Variants in ECM2 observed in about 807,000 individuals in gnomAD.
ECM2 encodes extracellular matrix protein 2, also known as extracellular matrix protein 2, female organ and adipocyte specific.
A neutral mutation model predicts 67.5 loss-of-function variants in ECM2; 57 were observed. The ratio of observed to expected loss-of-function variants is 0.84; its 90% CI spans 0.68 to 1.05. ECM2 has a LOEUF of 1.05. Ranked by LOEUF, ECM2 falls within the 50% of genes least tolerant of loss-of-function variation. The pLI, the probability that ECM2 is intolerant of heterozygous loss-of-function variation, is 0.00. For synonymous variants in ECM2, 258 were observed against 294.5 expected (o/e 0.88, Z 1.27); for missense variants, 741 against 822.8 (o/e 0.90, Z 1.22).
Position 92,502,570 on chromosome 9 carries a change from A to C in ECM2, c.1547T>G (p.Leu516Arg). Residue 516 changes from leucine (L) to arginine (R), a missense_variant, in exon 8 of 10, where the codon CTA (leucine) becomes CGA (arginine). Coordinates refer to ENST00000344604, the MANE Select transcript of ECM2 (RefSeq NM_001393.4). Reference protein sequence around the residue: ...NHTRKINVIVLRYNKIEENRI... With the variant: ...NHTRKINVIVRRYNKIEENRI... ...ATTTTCTTCAATTTTGTTATAACGT[A>C]GTACAATGACATTGATCTTTCTGGT... The C allele has an allele frequency of 6.2e-7, 1 of 1,612,464 alleles. No individual in the cohort carries two copies. The highest frequency in any genetic ancestry group is 2.2e-5 in the East Asian group (1 of 44,828).
chr9:92,521,338 G>A (rs1848057611), intron 2 of ECM2, among the ~76,000 whole-genome samples: 1 of 151,776 alleles, frequency 6.6e-6, no homozygotes, highest in Non-Finnish European at 1.5e-5. Flanking sequence ...TAAAAAAATT[G>A]ACCTCATCTT....
chr9:92,536,616 A>G (rs1380982361), upstream of ECM2: 1 of 152,418 alleles, frequency 6.6e-6, no homozygotes, highest in African/African-American at 2.4e-5. Context: ...ACGCTGGCAA[A>G]TTAGTTGTGT....
chr9:92,504,601 T>A (rs1006913185), intron 7 of ECM2, among the ~76,000 whole-genome samples: 1 of 152,078 alleles, frequency 6.6e-6, no homozygotes, highest in African/African-American at 2.4e-5. Context: ...AGTGGTACGA[T>A]CCTAGCTTAC....
At chr9:92,524,712 C>T (rs543665927) in intron 1 of ECM2, among the ~76,000 whole-genome samples, 1 of 152,148 alleles carries the variant, frequency 6.6e-6, no homozygotes, top group South Asian at 2.1e-4. Context: ...CCCCAGGGAT[C>T]ATAAGAACCC....
rs554146886 is a variant in ECM2 at position 92,522,493 on chromosome 9, C to G, written c.292+82G>C. On this transcript the variant is annotated intron_variant, in intron 2 of 9. Coordinates refer to ENST00000344604, the MANE Select transcript of ECM2 (RefSeq NM_001393.4). ...TTATCTTCATGGAGATGTTCTCCCT[C>G]TCTCCCTCTCTCCTTCTCTTTCCCC... 1.3e-4 allele frequency: 161 copies of G among 1,266,612 alleles called. No individual in the cohort carries two copies. In the African/African-American group the frequency reaches 2.1e-3, roughly 16 times the overall value. The allele number at this position is 1,266,612 out of a possible 1,614,324, so 78.5% of individuals were successfully genotyped here.
chr9:92,518,903 CA>C (rs1249802638), intron 2 of ECM2, among the ~76,000 whole-genome samples: 4 of 152,084 alleles, frequency 2.6e-5, no homozygotes, highest in Non-Finnish European at 5.9e-5. Context: ...AATAAATAAA[CA>C]AATAAAGTTC....
At position 92,517,842 on chromosome 9, in the gene ECM2, G is replaced by C. The variant is rs35496743; in HGVS notation, c.326C>G (p.Thr109Ser). Residue 109 changes from threonine to serine, a missense_variant, in exon 3 of 10, where the codon ACC becomes AGC. Coordinates refer to ENST00000344604, the MANE Select transcript of ECM2 (RefSeq NM_001393.4). ...CGACCACACAGCTTTGTTGTACATG[G>C]TTATGCCCTTTACCAAACAGTGTCC... ...KKGHCLVKGI[T>S]MYNKAVWSPE... 183 of 1,614,148 alleles carry C rather than the reference G, an allele frequency of 1.1e-4. No homozygotes were observed. The African/African-American group carries it at 2.2e-3, about 19-fold the overall frequency.
the ECM2 span, among the ~76,000 whole-genome samples, chr9:92,547,792 G>A: frequency 6.6e-6 from 1 of 152,170 alleles, no homozygotes; most frequent in South Asian, 2.1e-4. Flanking sequence ...TAAAGTATGC[G>A]TTTTATGGTA....
intron 1 of ECM2, among the ~76,000 whole-genome samples, chr9:92,533,304 A>AAAC (rs1848928241): frequency 4.8e-4 from 14 of 28,978 alleles, no homozygotes; most frequent in South Asian, 1.3e-3. Context: ...GGTCTCAAAC[A>AAAC]AAAAAAAAAA....
At position 92,535,955 on chromosome 9, in the gene ECM2, C is replaced by T; in HGVS notation, c.-50G>A. The T allele has an allele frequency of 2.0e-6, 1 of 503,562 alleles. No homozygotes were observed. The highest frequency in any genetic ancestry group is 3.9e-6 in the Non-Finnish European group (1 of 256,634). 31.2% of individuals were successfully genotyped at this position (503,562 alleles called of 1,614,324 possible). On this transcript the variant is annotated 5_prime_UTR_variant, in exon 1 of 10. Coordinates refer to ENST00000344604, the MANE Select transcript of ECM2 (RefSeq NM_001393.4). Reference sequence around the variant, plus strand: ...TACCTGGAGATCTAAACTAAGTAGGCTTTGCTTGGTGTCATTTAAGTCTCC... The same window carrying T: ...TACCTGGAGATCTAAACTAAGTAGGTTTTGCTTGGTGTCATTTAAGTCTCC...
chr9:92,516,321 C>T (rs951114208), intron 3 of ECM2, among the ~76,000 whole-genome samples: 3 of 152,104 alleles, frequency 2.0e-5, no homozygotes, highest in African/African-American at 7.2e-5. Context: ...CCTCAGCCTC[C>T]CAAAGTGCTG....
At chr9:92,525,757 G>A (rs1848356420) in intron 1 of ECM2, among the ~76,000 whole-genome samples, 1 of 151,904 alleles carries the variant, frequency 6.6e-6, no homozygotes, top group African/African-American at 2.4e-5. Context: ...GTGTGTGGTG[G>A]TGCACGCCTG....
At chr9:92,551,172 C>T in the ECM2 span, among the ~76,000 whole-genome samples, 5 of 152,172 alleles carry the variant, frequency 3.3e-5, no homozygotes, top group East Asian at 9.6e-4. Flanking sequence ...CCCCTCTTGT[C>T]CAGGTTTAAG....
chr9:92,553,644 A>G, the ECM2 span, among the ~76,000 whole-genome samples: 37 of 152,222 alleles, frequency 2.4e-4, 1 homozygote, highest in Middle Eastern at 0.01. Flanking sequence ...GTATATTCCT[A>G]AATATTTTAT....
chr9:92,536,613 C>T (rs147702078), upstream of ECM2: 400 of 152,424 alleles, frequency 2.6e-3, 1 homozygote, highest in Non-Finnish European at 4.5e-3. Flanking sequence ...GTTACGCTGG[C>T]AAATTAGTTG....
the ECM2 span, among the ~76,000 whole-genome samples, chr9:92,546,933 G>GT: frequency 3.9e-5 from 6 of 152,110 alleles, no homozygotes; most frequent in Non-Finnish European, 8.8e-5. Flanking sequence ...AGTTCTACCA[G>GT]TTTTTTAAGA....
At chr9:92,504,833 G>A (rs1254791095) in intron 7 of ECM2, among the ~76,000 whole-genome samples, 13 of 152,128 alleles carry the variant, frequency 8.5e-5, no homozygotes, top group South Asian at 6.2e-4. Flanking sequence ...GCCACTGCAC[G>A]GTCCACCTCA....
At chr9:92,505,477 A>G in intron 7 of ECM2, 56 bp downstream of exon 7, 1 of 1,376,866 alleles carries the variant, frequency 7.3e-7, no homozygotes, top group Non-Finnish European at 1.0e-6. Flanking sequence ...ATTTTGTTGT[A>G]GTGTACCATA....
At position 92,505,520 on chromosome 9, in the gene ECM2, A is replaced by C; in HGVS notation, c.1464+13T>G. On this transcript the variant is annotated intron_variant, in intron 7 of 9. Coordinates refer to ENST00000344604, the MANE Select transcript of ECM2 (RefSeq NM_001393.4). ...TATAATACATTTAAAACACTAAAAA[A>C]ATATATTGTTACCTCAATAGAACCA... 1 of 1,576,046 alleles carries C rather than the reference A, an allele frequency of 6.3e-7. No homozygotes were observed. Among genetic ancestry groups the C allele is most frequent in the Non-Finnish European group, 8.6e-7 (1 of 1,166,616 alleles).
Sources: allele counts gnomAD v4.1 joint callset (sites outside exome capture counted in the v4.1 genomes callset), GRCh38; gene constraint gnomAD v4.1.1; transcripts MANE v1.5; gene names NCBI Gene and HGNC (gene_info 2026-07-23, HGNC 2026-07-21).